Variants in EIPR1 observed in about 807,000 individuals in gnomAD.
EIPR1 encodes EARP complex and GARP complex interacting protein 1, also known as EARP and GARP complex-interacting protein 1.
In EIPR1, 25 loss-of-function variants were observed where a neutral mutation model predicts 48.1. That is an observed-to-expected ratio of 0.52 (90% CI 0.38 to 0.73). The LOEUF (loss-of-function observed/expected upper bound fraction) is 0.73, where lower values mean the gene tolerates loss of function less well. Ranked by LOEUF, EIPR1 falls within the 30% of genes least tolerant of loss-of-function variation. The probability of loss-of-function intolerance (pLI) is 0.00; values close to 1 mark genes in which losing one functional copy is unlikely to be tolerated. For missense variants in EIPR1, 415 were observed against 506.2 expected, an observed-to-expected ratio of 0.82 and a Z score of 1.73; for synonymous variants, 204 against 201.9, an observed-to-expected ratio of 1.01 and a Z score of -0.09.
chr2:3,308,781 G>A (rs1383847486), intron 3 of EIPR1, among the ~76,000 whole-genome samples: 1 of 152,088 alleles, frequency 6.6e-6, no homozygotes, highest in East Asian at 1.9e-4. Flanking sequence ...CATTCAAACT[G>A]GATCACCAAG....
At chr2:3,369,785 G>T (rs1455320840) in intron 1 of EIPR1, among the ~76,000 whole-genome samples, 1 of 152,214 alleles carries the variant, frequency 6.6e-6, no homozygotes, top group Admixed American at 6.5e-5. Flanking sequence ...GCCTGCCTCT[G>T]TAGGCTCCAC....
At chr2:3,279,155 A>G (rs1321909919) in intron 3 of EIPR1, among the ~76,000 whole-genome samples, 1 of 152,138 alleles carries the variant, frequency 6.6e-6, no homozygotes, top group South Asian at 2.1e-4. Context: ...AATCAGCATT[A>G]TACACCTCGC....
chr2:3,305,022 CCTGTCCAGTTCAACCCT>C (rs1668887193), intron 3 of EIPR1, among the ~76,000 whole-genome samples: 1 of 119,130 alleles, frequency 8.4e-6, no homozygotes, highest in Non-Finnish European at 1.9e-5. Context: ...ACCCTCCACT[CCTGTCCAGTTCAACCCT>C]CCACTCCCGT....
intron 4 of EIPR1, among the ~76,000 whole-genome samples, chr2:3,238,841 C>A (rs749983030): frequency 2.0e-5 from 3 of 152,200 alleles, no homozygotes; most frequent in Non-Finnish European, 4.4e-5. Context: ...GCAAGGACAG[C>A]GGGCCCTCCG....
chr2:3,309,027 A>G (rs1378326785), intron 3 of EIPR1, among the ~76,000 whole-genome samples: 2 of 152,242 alleles, frequency 1.3e-5, no homozygotes, highest in Non-Finnish European at 2.9e-5. Flanking sequence ...TAATGAAAAA[A>G]GGCTTAGAAC....
intron 3 of EIPR1, among the ~76,000 whole-genome samples, chr2:3,287,470 CTCGTTCACCACACTCCAGAAAGT>C (rs66569198): frequency 8.2e-4 from 123 of 149,760 alleles, no homozygotes; most frequent in African/African-American, 1.5e-3. Context: ...CTCCAGAAAG[CTCGTTCACCACACTCCAGAAAGT>C]TCGTTCACCA....
intron 5 of EIPR1, among the ~76,000 whole-genome samples, chr2:3,203,454 G>A (rs1558220318): frequency 6.6e-6 from 1 of 152,244 alleles, no homozygotes. Flanking sequence ...ACCACGTGCC[G>A]GTAGTCAGCG....
chr2:3,339,608 TG>T (rs1204668130), intron 2 of EIPR1, among the ~76,000 whole-genome samples: 12 of 152,180 alleles, frequency 7.9e-5, no homozygotes, highest in African/African-American at 2.9e-4. Flanking sequence ...CCCCACCTGG[TG>T]CCATCCTCAC....
chr2:3,353,143 C>T, intron 2 of EIPR1: 1 of 431,114 alleles, frequency 2.3e-6, no homozygotes, highest in African/African-American at 2.1e-5. Context: ...TAACTTATAC[C>T]TTAAACTTTA....
chr2:3,254,585 A>C (rs1449861247), intron 4 of EIPR1, among the ~76,000 whole-genome samples: 1 of 152,226 alleles, frequency 6.6e-6, no homozygotes, highest in African/African-American at 2.4e-5. Flanking sequence ...AATCAAGCCG[A>C]GTAAAGAACA....
In EIPR1 at chr2:3,189,534, A is replaced by G. The variant is rs753060250; in HGVS notation, c.990-26T>C. On this transcript the variant is annotated intron_variant, in intron 8 of 8. Coordinates refer to ENST00000382125, the MANE Select transcript of EIPR1 (RefSeq NM_003310.5). This position sits in a 1 kb window ranked among gnomAD's most constrained non-coding sequence, Gnocchi z 4.6. Reference sequence around the variant, plus strand: ...CTGCAATGCAACAGAGGCAGACGTGAGCGCAGCAGCTCCGGCGGGGCGGGC... The same window carrying G: ...CTGCAATGCAACAGAGGCAGACGTGGGCGCAGCAGCTCCGGCGGGGCGGGC... 26 of 1,523,608 alleles carry G rather than the reference A, an allele frequency of 1.7e-5. No homozygotes were observed. The highest frequency in any genetic ancestry group is 2.3e-5 in the Non-Finnish European group (26 of 1,122,554). 94.4% of individuals were successfully genotyped at this position (1,523,608 alleles called of 1,614,324 possible).
At chr2:3,369,421 G>A (rs1039021266) in intron 1 of EIPR1, among the ~76,000 whole-genome samples, 15 of 152,318 alleles carry the variant, frequency 9.8e-5, no homozygotes, top group African/African-American at 3.6e-4. Context: ...GCAAGCCGAA[G>A]CAGGGCGAGG....
intron 3 of EIPR1, among the ~76,000 whole-genome samples, chr2:3,334,777 T>C (rs1669995902): frequency 6.6e-6 from 1 of 152,244 alleles, no homozygotes; most frequent in Admixed American, 6.5e-5. Context: ...ATGAATGTTG[T>C]GGAACAATTT....
intron 3 of EIPR1, among the ~76,000 whole-genome samples, chr2:3,280,194 A>AC (rs2103258379): frequency 6.6e-6 from 1 of 152,286 alleles, no homozygotes; most frequent in Admixed American, 6.5e-5. Context: ...TTCCACACTG[A>AC]CCGCCCTGCT....
At chr2:3,327,939 A>G (rs910088012) in intron 3 of EIPR1, among the ~76,000 whole-genome samples, 13 of 151,960 alleles carry the variant, frequency 8.6e-5, no homozygotes, top group Admixed American at 5.2e-4. Flanking sequence ...GGGTCACTGC[A>G]TCTTCTCGTG....
Position 3,250,728 on chromosome 2 carries a change from G to A in EIPR1, c.416+6571C>T, listed in dbSNP as rs941972284. On this transcript the variant is annotated intron_variant, in intron 4 of 8. Coordinates refer to ENST00000382125, the MANE Select transcript of EIPR1 (RefSeq NM_003310.5). ...ATCCCTCATGAAAGGCTGAGCACCC[G>A]TCCCTTGGTGATGACTGAGTCTTCT... Among the ~76,000 whole-genome samples the A allele has an allele frequency of 1.2e-4, 18 of 152,290 alleles. No homozygotes were observed. The East Asian group carries it at 1.5e-3, about 13-fold the overall frequency.
rs555668767 is a variant in EIPR1 at position 3,257,247 on chromosome 2, C to A, written c.416+52G>T. 3.2e-4 allele frequency: 505 copies of A among 1,571,170 alleles called. 7 individuals are homozygous for A. The South Asian group carries it at 5.4e-3, about 17-fold the overall frequency. ...AAAGGAATCTGCACAAGCTCCTGCA[C>A]CTGGCCAACCTGCAGGCTCGTTCTG... On this transcript the variant is annotated intron_variant, in intron 4 of 8. Coordinates refer to ENST00000382125, the MANE Select transcript of EIPR1 (RefSeq NM_003310.5).
At chr2:3,332,819 A>G (rs1036300764) in intron 3 of EIPR1, among the ~76,000 whole-genome samples, 3 of 152,236 alleles carry the variant, frequency 2.0e-5, no homozygotes, top group Non-Finnish European at 4.4e-5. Context: ...TCTTTTTCAC[A>G]ATCATCACAG....
intron 3 of EIPR1, chr2:3,274,567 A>G: frequency 8.4e-7 from 1 of 1,187,548 alleles, no homozygotes; most frequent in South Asian, 2.5e-5. Flanking sequence ...AAGCCTCACT[A>G]AGGGAACTTC....
Sources: gnomAD v4.1 joint callset for allele counts (sites outside exome capture counted in the v4.1 genomes callset) on GRCh38, gnomAD v4.1.1 for gene constraint, Gnocchi (gnomAD v3.1) non-coding constraint, MANE v1.5 for transcripts, NCBI Gene and HGNC (gene_info 2026-07-23, HGNC 2026-07-21) for gene names.